APOLD1: variants seen among roughly 807,000 people sequenced by gnomAD.
The protein encoded by APOLD1 is apolipoprotein L domain containing 1.
Under a neutral mutation model 15.3 loss-of-function variants are expected in APOLD1, and 22 were observed. The ratio of observed to expected loss-of-function variants is 1.44; its 90% CI spans 1.03 to 2.05. The LOEUF (loss-of-function observed/expected upper bound fraction) is 2.05, where lower values mean the gene tolerates loss of function less well. Among genes scored for constraint, APOLD1 ranks in the 30% most tolerant of loss-of-function variants. APOLD1 has a pLI of 0.00. For missense variants in APOLD1, 394 were observed against 353.5 expected (o/e 1.11, Z -0.92); for synonymous variants, 190 against 167.4 (o/e 1.13, Z -1.04).
chr12:12,741,777 T>C (rs933779544), intron 1 of APOLD1, among the ~76,000 whole-genome samples: 1 of 152,192 alleles, frequency 6.6e-6, no homozygotes, highest in Non-Finnish European at 1.5e-5. Context: ...TCATCTACAT[T>C]GTTTCCTTTA....
At chr12:12,750,831 A>G (rs1312435040) in intron 1 of APOLD1, among the ~76,000 whole-genome samples, 2 of 151,944 alleles carry the variant, frequency 1.3e-5, no homozygotes, top group African/African-American at 2.4e-5. Context: ...CTGGAGTGCA[A>G]TGGCGTGATC....
intron 1 of APOLD1, among the ~76,000 whole-genome samples, chr12:12,736,922 C>G (rs1054338139): frequency 1.3e-5 from 2 of 152,214 alleles, no homozygotes; most frequent in Non-Finnish European, 2.9e-5. Context: ...TGCTCCACCC[C>G]GCTACCAGTC....
chr12:12,730,680 T>TAA (rs1172166554), intron 1 of APOLD1, among the ~76,000 whole-genome samples: 7 of 96,600 alleles, frequency 7.2e-5, no homozygotes, highest in African/African-American at 2.1e-4. Context: ...AGACTTCCTC[T>TAA]AAAAAAAAAA....
chr12:12,763,996 T>G (rs1946924643), intron 1 of APOLD1, among the ~76,000 whole-genome samples: 2 of 152,168 alleles, frequency 1.3e-5, no homozygotes, highest in Non-Finnish European at 2.9e-5. Flanking sequence ...GGAGTTTCAC[T>G]CTGTCACCCA....
At chr12:12,756,650 C>A (rs1429230447) in intron 1 of APOLD1, among the ~76,000 whole-genome samples, 1 of 152,144 alleles carries the variant, frequency 6.6e-6, no homozygotes, top group Non-Finnish European at 1.5e-5. Context: ...AAGCTTGTAC[C>A]CATTAAACAC....
At chr12:12,743,849 G>A (rs113464372) in intron 1 of APOLD1, among the ~76,000 whole-genome samples, 2 of 152,312 alleles carry the variant, frequency 1.3e-5, no homozygotes, top group African/African-American at 4.8e-5. Flanking sequence ...TGGCTTCGAG[G>A]ATGGAGGAAA....
intron 1 of APOLD1, among the ~76,000 whole-genome samples, chr12:12,741,912 T>A (rs955746784): frequency 2.6e-5 from 4 of 152,230 alleles, no homozygotes; most frequent in Non-Finnish European, 4.4e-5. Flanking sequence ...GGGGCTGTCC[T>A]GTCATTCTTA....
At chr12:12,770,762 A>C (rs1338557038) in intron 1 of APOLD1, among the ~76,000 whole-genome samples, 1 of 139,950 alleles carries the variant, frequency 7.1e-6, no homozygotes, top group East Asian at 2.2e-4. Context: ...CTCAGAGAAC[A>C]CCAATAAGAA....
In APOLD1 at chr12:12,789,228, G is replaced by A. The variant is rs915865982; in HGVS notation, c.*1576G>A. On this transcript the variant is annotated 3_prime_UTR_variant, in exon 2 of 2. Coordinates refer to ENST00000356591, the MANE Select transcript of APOLD1 (RefSeq NM_030817.3). ...ACTGCTGAGGCTCTTTGCAAGAGAT[G>A]AGATTAAGTTTGAGTTTCTAAGGCA... is the stretch of plus-strand genomic sequence containing the variant. 6.6e-6 allele frequency: 1 copy of A among 152,222 alleles called. No homozygotes were observed. Among genetic ancestry groups the A allele is most frequent in the African/African-American group, 2.4e-5 (1 of 41,454 alleles). 9.4% of individuals were successfully genotyped at this position (152,222 alleles called of 1,614,324 possible). A position where few individuals can be genotyped will look rare whatever the true frequency, so the allele number is the denominator to read the frequency against.
chr12:12,769,630 T>G (rs1212648950), intron 1 of APOLD1, among the ~76,000 whole-genome samples: 3 of 152,222 alleles, frequency 2.0e-5, no homozygotes, highest in Non-Finnish European at 4.4e-5. Context: ...TGAAATGCCC[T>G]AGAGCATTCT....
intron 1 of APOLD1, among the ~76,000 whole-genome samples, chr12:12,778,540 C>A (rs981678980): frequency 2.0e-5 from 3 of 150,418 alleles, no homozygotes; most frequent in Non-Finnish European, 4.4e-5. Flanking sequence ...GTTGCCCAGG[C>A]TGATCTCAAA....
At chr12:12,757,105 G>A (rs1423301606) in intron 1 of APOLD1, among the ~76,000 whole-genome samples, 1 of 152,068 alleles carries the variant, frequency 6.6e-6, no homozygotes, top group African/African-American at 2.4e-5. Context: ...CTTTTTAACT[G>A]AAGAAAAACT....
intron 1 of APOLD1, among the ~76,000 whole-genome samples, chr12:12,761,802 C>T (rs189348025): frequency 0.03 from 3,396 of 114,528 alleles, 193 homozygotes; most frequent in African/African-American, 0.11. Flanking sequence ...TATATATATA[C>T]ATGAACATAT....
upstream of APOLD1, among the ~76,000 whole-genome samples, chr12:12,782,660 C>G (rs1396920825): frequency 2.0e-5 from 3 of 152,124 alleles, no homozygotes; most frequent in African/African-American, 7.2e-5. Context: ...GAGTGAGACC[C>G]TGCCTCAACA....
chr12:12,787,148 G>C lies in APOLD1; in HGVS notation c.243G>C (p.Leu81=). 3 of 1,512,142 alleles carry C rather than the reference G, an allele frequency of 2.0e-6. No homozygotes were observed. The highest frequency in any genetic ancestry group is 2.3e-5 in the East Asian group (1 of 43,086). The allele number at this position is 1,512,142 out of a possible 1,614,324, so 93.7% of individuals were successfully genotyped here. A position where few individuals can be genotyped will look rare whatever the true frequency, so the allele number is the denominator to read the frequency against. The change falls in exon 2 of 2, where the codon CTG becomes CTC. Residue 81 remains leucine (L), a synonymous_variant. Transcript: ENST00000356591. The surrounding 1 kb of genome is among the most constrained non-coding windows in gnomAD (Gnocchi z 4.9). ...GGCTCTCGCTCAGCCCGGTCACCCT[G>C]GGGACCTCGCTGCTGGTGTCGGCCG... ...IVGLSLSPVT[L]GTSLLVSAVG...
intron 1 of APOLD1, among the ~76,000 whole-genome samples, chr12:12,759,694 C>T (rs908411741): frequency 3.3e-5 from 5 of 152,204 alleles, no homozygotes; most frequent in East Asian, 1.9e-4. Flanking sequence ...GTCTGCAGCT[C>T]GGGCTGCCTT....
upstream of APOLD1, among the ~76,000 whole-genome samples, chr12:12,782,178 G>C (rs1223906102): frequency 6.6e-6 from 1 of 152,122 alleles, no homozygotes; most frequent in Non-Finnish European, 1.5e-5. Context: ...AGAATCGTTT[G>C]AACCTGGAAG....
intron 1 of APOLD1, among the ~76,000 whole-genome samples, chr12:12,730,055 TGTGTGTGTGTGTGTGTGTGTGTGAGA>T (rs1413067827): frequency 1.9e-5 from 2 of 105,466 alleles, no homozygotes; most frequent in African/African-American, 4.0e-5. Context: ...TGTGTGTGTG[TGTGTGTGTGTGTGTGTGTGTGTGAGA>T]GAGAGAGAGA....
At chr12:12,771,439 C>T (rs1196498409) in intron 1 of APOLD1, 2 of 444,962 alleles carry the variant, frequency 4.5e-6, no homozygotes, top group Non-Finnish European at 4.4e-6. Context: ...GACTTTCTGT[C>T]CACCATGTTC....
Sources: gnomAD v4.1 joint callset for allele counts (sites outside exome capture counted in the v4.1 genomes callset) on GRCh38, gnomAD v4.1.1 for gene constraint, Gnocchi (gnomAD v3.1) non-coding constraint, MANE v1.5 for transcripts, NCBI Gene and HGNC (gene_info 2026-07-23, HGNC 2026-07-21) for gene names.